Variants in BMAL2 observed in about 807,000 individuals in gnomAD.
BMAL2 encodes the protein basic helix-loop-helix ARNT like 2.
the BMAL2 span, among the ~76,000 whole-genome samples, chr12:27,375,989 C>T: frequency 3.3e-5 from 5 of 152,238 alleles, no homozygotes; most frequent in East Asian, 9.6e-4. Flanking sequence ...TTGGTTAAGC[C>T]ATCAATGATG....
chr12:27,401,214 T>G, the BMAL2 span: 2 of 1,458,502 alleles, frequency 1.4e-6, no homozygotes, highest in Middle Eastern at 1.7e-4. Flanking sequence ...TGGGAGGGAG[T>G]ACACTCACCA....
At chr12:27,364,478 A>C in the BMAL2 span, among the ~76,000 whole-genome samples, 1 of 152,250 alleles carries the variant, frequency 6.6e-6, no homozygotes, top group South Asian at 2.1e-4. Context: ...GATATTTAGC[A>C]GATGTCCATA....
the BMAL2 span, among the ~76,000 whole-genome samples, chr12:27,404,516 T>C: frequency 6.6e-6 from 1 of 152,166 alleles, no homozygotes; most frequent in Non-Finnish European, 1.5e-5. Flanking sequence ...TGTATAACCA[T>C]TTGGGGAAAA....
chr12:27,353,196 C>G, the BMAL2 span, among the ~76,000 whole-genome samples: 4 of 152,082 alleles, frequency 2.6e-5, no homozygotes, highest in African/African-American at 4.8e-5. Context: ...GCAGCAGTAA[C>G]CAAAACAGCA....
At chr12:27,368,024 A>G in the BMAL2 span, among the ~76,000 whole-genome samples, 8 of 151,556 alleles carry the variant, frequency 5.3e-5, no homozygotes, top group African/African-American at 1.9e-4. Context: ...CTGTACTTTA[A>G]TAGAGATGGG....
the BMAL2 span, among the ~76,000 whole-genome samples, chr12:27,337,876 T>G: frequency 6.6e-6 from 1 of 152,224 alleles, no homozygotes; most frequent in Non-Finnish European, 1.5e-5. Flanking sequence ...GATTTTCCCC[T>G]TTTCCTCATG....
At chr12:27,375,144 T>C in the BMAL2 span, among the ~76,000 whole-genome samples, 7 of 152,318 alleles carry the variant, frequency 4.6e-5, no homozygotes, top group African/African-American at 1.7e-4. Flanking sequence ...AAAATATTCA[T>C]TGTTAAAAAT....
chr12:27,377,072 TCAA>T, the BMAL2 span, among the ~76,000 whole-genome samples: 7,844 of 151,554 alleles, frequency 0.052, 282 homozygotes, highest in Non-Finnish European at 0.08. Flanking sequence ...ACATATTTTT[TCAA>T]CAACAACAAT....
At chr12:27,376,926 G>A in the BMAL2 span, among the ~76,000 whole-genome samples, 1 of 147,680 alleles carries the variant, frequency 6.8e-6, no homozygotes, top group African/African-American at 2.5e-5. Flanking sequence ...GCGTGAACTC[G>A]GGAGGCAGAG....
chr12:27,407,710 A>G, the BMAL2 span, among the ~76,000 whole-genome samples: 7 of 152,212 alleles, frequency 4.6e-5, no homozygotes, highest in East Asian at 1.9e-4. Flanking sequence ...AAACACATTC[A>G]AAAGCTAGCA....
At chr12:27,406,635 A>G in the BMAL2 span, among the ~76,000 whole-genome samples, 26 of 152,356 alleles carry the variant, frequency 1.7e-4, no homozygotes, top group Admixed American at 1.3e-4. Flanking sequence ...AGCCACTGCA[A>G]AAACATGCCA....
At chr12:27,389,795 T>G in the BMAL2 span, 1 of 236,894 alleles carries the variant, frequency 4.2e-6, no homozygotes, top group African/African-American at 2.3e-5. Flanking sequence ...ATAGTTAAGG[T>G]TTTTTTCATT....
the BMAL2 span, chr12:27,423,575 C>G: frequency 6.6e-6 from 1 of 152,220 alleles, no homozygotes; most frequent in Non-Finnish European, 1.5e-5. Flanking sequence ...GTGATCCGCC[C>G]ACTTCGGCCT....
the BMAL2 span, among the ~76,000 whole-genome samples, chr12:27,413,504 C>A: frequency 6.6e-6 from 1 of 151,826 alleles, no homozygotes; most frequent in Admixed American, 6.6e-5. Flanking sequence ...CAAATAAGTT[C>A]TTTTTCCAAG....
At chr12:27,397,982 C>A in the BMAL2 span, among the ~76,000 whole-genome samples, 1 of 152,190 alleles carries the variant, frequency 6.6e-6, no homozygotes, top group African/African-American at 2.4e-5. Flanking sequence ...TGTCCAAAGC[C>A]GGGACTCTCC....
At chr12:27,377,790 G>T in the BMAL2 span, among the ~76,000 whole-genome samples, 1 of 152,118 alleles carries the variant, frequency 6.6e-6, no homozygotes, top group Non-Finnish European at 1.5e-5. Flanking sequence ...AACAAAGTAT[G>T]AGTAGATAAC....
chr12:27,348,875 T>G, the BMAL2 span, among the ~76,000 whole-genome samples: 25 of 152,108 alleles, frequency 1.6e-4, no homozygotes, highest in East Asian at 4.4e-3. Context: ...AAAAGAGAAT[T>G]AAGTGAAGCA....
the BMAL2 span, among the ~76,000 whole-genome samples, chr12:27,394,189 C>A: frequency 2.0e-5 from 3 of 152,142 alleles, no homozygotes; most frequent in Non-Finnish European, 4.4e-5. Context: ...AGTTCAGCCT[C>A]CCAAAAGGCT....
chr12:27,395,657 C>A, the BMAL2 span, among the ~76,000 whole-genome samples: 1 of 152,064 alleles, frequency 6.6e-6, no homozygotes, highest in Non-Finnish European at 1.5e-5. Context: ...GCAAGTTTTA[C>A]ACATTTATAG....
Sources: gnomAD v4.1 joint callset for allele counts (sites outside exome capture counted in the v4.1 genomes callset) on GRCh38, gnomAD v4.1.1 for gene constraint, MANE v1.5 for transcripts, NCBI Gene and HGNC (gene_info 2026-07-23, HGNC 2026-07-21) for gene names.